The following SHISAL2B variants were observed in gnomAD, a reference collection of about 807,000 sequenced individuals.
SHISAL2B encodes shisa like 2B, also known as protein shisa-like-2B.
A neutral mutation model predicts 16.5 loss-of-function variants in SHISAL2B; 12 were observed. The ratio of observed to expected loss-of-function variants is 0.73; its 90% CI spans 0.47 to 1.18. SHISAL2B has a LOEUF of 1.18. SHISAL2B is among the 50% of genes most tolerant of loss of function. The pLI is 0.00. For synonymous variants in SHISAL2B, 72 were observed against 75.0 expected (o/e 0.96, Z 0.21); for missense variants, 183 against 193.6 (o/e 0.95, Z 0.33).
At chr5:64,699,001 T>C (rs1741773404) in intron 2 of SHISAL2B, among the ~76,000 whole-genome samples, 1 of 152,212 alleles carries the variant, frequency 6.6e-6, no homozygotes, top group Non-Finnish European at 1.5e-5. Context: ...GCTCCAAAAT[T>C]TTATTTCATA....
intron 1 of SHISAL2B, among the ~76,000 whole-genome samples, chr5:64,693,028 A>G (rs1366797432): frequency 6.6e-6 from 1 of 150,918 alleles, no homozygotes; most frequent in East Asian, 1.9e-4. Flanking sequence ...TTTTTTTTGA[A>G]ACGGGGTCTC....
At chr5:64,695,230 A>G (rs1209286687) in intron 1 of SHISAL2B, among the ~76,000 whole-genome samples, 4 of 149,644 alleles carry the variant, frequency 2.7e-5, no homozygotes, top group African/African-American at 5.0e-5. Flanking sequence ...GTGCCATTGC[A>G]CTCTACCATG....
chr5:64,696,209 C>G (rs1741732013), intron 2 of SHISAL2B, among the ~76,000 whole-genome samples: 1 of 152,060 alleles, frequency 6.6e-6, no homozygotes, highest in Non-Finnish European at 1.5e-5. Flanking sequence ...ATAAGTTCCC[C>G]AAATTAATAC....
At chr5:64,692,936 T>C (rs1420152113) in intron 1 of SHISAL2B, among the ~76,000 whole-genome samples, 2 of 152,196 alleles carry the variant, frequency 1.3e-5, no homozygotes, top group African/African-American at 4.8e-5. Flanking sequence ...ATGAATATTT[T>C]AGGAGTCTCC....
chr5:64,690,725 G>A lies in SHISAL2B; in HGVS notation c.102G>A (p.Gln34=), dbSNP rs1741627581. The A allele has an allele frequency of 2.0e-6, 3 of 1,537,346 alleles. No individual in the cohort carries two copies. Among genetic ancestry groups the A allele is most frequent in the Non-Finnish European group, 2.6e-6 (3 of 1,147,582 alleles). Residue 34 remains glutamine, a synonymous_variant, in exon 1 of 3, where the codon CAG becomes CAA. Transcript: ENST00000389074. ...GGCGCGGCGAGGGGGCAGCGCTCCA[G>A]TATTGCTGCGGCTTCGCCGACCTCA... The part of the protein sequence containing the change: ...CPRRGEGAAL[Q]YCCGFADLKY...
intron 2 of SHISAL2B, among the ~76,000 whole-genome samples, chr5:64,700,960 G>A (rs189293623): frequency 5.9e-5 from 9 of 152,280 alleles, no homozygotes; most frequent in East Asian, 3.9e-4. Context: ...GAGGTGGAGC[G>A]GAAGCAGTAA....
chr5:64,717,621 T>A (rs1324457485), intron 2 of SHISAL2B, among the ~76,000 whole-genome samples: 1 of 152,188 alleles, frequency 6.6e-6, no homozygotes, highest in African/African-American at 2.4e-5. Flanking sequence ...TCTTATCAGA[T>A]GTGTAGTTAT....
At chr5:64,696,799 A>C (rs1373165473) in intron 2 of SHISAL2B, among the ~76,000 whole-genome samples, 2 of 152,192 alleles carry the variant, frequency 1.3e-5, no homozygotes, top group African/African-American at 2.4e-5. Context: ...GCACTGCTGA[A>C]AGTAGACCCT....
At chr5:64,716,281 G>A (rs558232705) in intron 2 of SHISAL2B, among the ~76,000 whole-genome samples, 1 of 152,060 alleles carries the variant, frequency 6.6e-6, no homozygotes. Flanking sequence ...TTTGCTAGTT[G>A]GTTTTCAATC....
At chr5:64,714,346 T>C (rs28875633) in intron 2 of SHISAL2B, among the ~76,000 whole-genome samples, 52,564 of 130,420 alleles carry the variant, frequency 0.4, 13,854 homozygotes, top group African/African-American at 0.76. Flanking sequence ...CCCAGTTAGG[T>C]TGCTCGGGGG....
intron 2 of SHISAL2B, among the ~76,000 whole-genome samples, chr5:64,708,509 A>C (rs1170804638): frequency 6.6e-6 from 1 of 152,172 alleles, no homozygotes; most frequent in Non-Finnish European, 1.5e-5. Flanking sequence ...AGCCCTAATA[A>C]AGACAGCATG....
chr5:64,717,426 C>T (rs1165941224), intron 2 of SHISAL2B, among the ~76,000 whole-genome samples: 1 of 152,138 alleles, frequency 6.6e-6, no homozygotes, highest in African/African-American at 2.4e-5. Context: ...ATTTTGGACT[C>T]ATATTTATAT....
chr5:64,718,010 C>T lies in SHISAL2B; in HGVS notation c.471C>T (p.His157=). The part of the protein sequence containing the change: ...QEKTMDATQI[H]IAY ...AAACAATGGATGCAACACAAATCCA[C>T]ATTGCTTATTAACTAAAAATTCTGT... Residue 157 remains histidine (H), a synonymous_variant, in exon 3 of 3, where the codon CAC becomes CAT. Transcript: ENST00000389074. The T allele has an allele frequency of 3.3e-6, 5 of 1,506,096 alleles. No homozygotes were observed. The highest frequency in any genetic ancestry group is 4.4e-6 in the Non-Finnish European group (5 of 1,139,476). 93.3% of individuals were successfully genotyped at this position (1,506,096 alleles called of 1,614,324 possible).
intron 1 of SHISAL2B, chr5:64,691,479 T>C (rs1042540681): frequency 6.6e-6 from 1 of 151,144 alleles, no homozygotes; most frequent in Non-Finnish European, 1.5e-5. Context: ...CTGGAGAGAA[T>C]TGAAGCGACA....
In SHISAL2B at chr5:64,695,524, G is replaced by C. The variant is rs1456561898; in HGVS notation, c.209G>C (p.Gly70Ala). The change falls in exon 2 of 3, where the codon GGA becomes GCA. Residue 70 changes from glycine (G) to alanine (A), a missense_variant. Gly to Ala is a moderately conservative substitution (Grantham distance 60). Transcript: ENST00000389074. ...MWSLSIGALI[G>A]LGIAALVLLA... ...TTCCTCAGCATTGGTGCCTTGATTG[G>C]ACTAGGAATTGCTGCCCTTGTTTTA... 4 of 1,534,688 alleles carry C rather than the reference G, an allele frequency of 2.6e-6. No homozygotes were observed. The highest frequency in any genetic ancestry group is 4.0e-5 in the Admixed American group (2 of 50,596).
chr5:64,696,975 A>G (rs1219582119), intron 2 of SHISAL2B, among the ~76,000 whole-genome samples: 1 of 151,982 alleles, frequency 6.6e-6, no homozygotes, highest in Non-Finnish European at 1.5e-5. Flanking sequence ...CTCCCCTTTT[A>G]AAGTCCTTAG....
At chr5:64,710,974 T>C (rs1316069169) in intron 2 of SHISAL2B, among the ~76,000 whole-genome samples, 137 of 136,222 alleles carry the variant, frequency 1.0e-3, no homozygotes, top group African/African-American at 3.0e-3. Context: ...ACAATCATGT[T>C]GTCTGCAAAC....
intron 2 of SHISAL2B, among the ~76,000 whole-genome samples, chr5:64,699,781 G>A (rs138237105): frequency 1.5e-3 from 229 of 152,254 alleles, no homozygotes; most frequent in African/African-American, 5.3e-3. Context: ...AATGACAAGA[G>A]TCTAAACTAG....
intron 1 of SHISAL2B, among the ~76,000 whole-genome samples, chr5:64,691,051 C>A (rs866551743): frequency 2.6e-5 from 4 of 152,192 alleles, no homozygotes; most frequent in African/African-American, 7.2e-5. Context: ...GCTGGAGGAG[C>A]GCGGGCTTTG....
Sources: allele counts gnomAD v4.1 joint callset (sites outside exome capture counted in the v4.1 genomes callset), GRCh38; gene constraint gnomAD v4.1.1; transcripts MANE v1.5; gene names NCBI Gene and HGNC (gene_info 2026-07-23, HGNC 2026-07-21).